The following DUSP22 variants were observed in gnomAD, a reference collection of about 807,000 sequenced individuals.
The protein encoded by DUSP22 is dual specificity protein phosphatase 22.
In DUSP22, 24 loss-of-function variants were observed where a neutral mutation model predicts 24.5. The ratio of observed to expected loss-of-function variants is 0.98; its 90% CI spans 0.71 to 1.38. The LOEUF is 1.38. Among genes scored for constraint, DUSP22 ranks in the 40% most tolerant of loss-of-function variants. DUSP22 has a pLI of 0.00. For missense variants in DUSP22, 330 were observed against 269.2 expected, an observed-to-expected ratio of 1.23 and a Z score of -1.58; for synonymous variants, 160 against 106.4, an observed-to-expected ratio of 1.50 and a Z score of -3.10.
At chr6:343,854 G>A (rs1759732327) in intron 4 of DUSP22, among the ~76,000 whole-genome samples, 1 of 152,310 alleles carries the variant, frequency 6.6e-6, no homozygotes, top group South Asian at 2.1e-4. Context: ...TTACATTCAT[G>A]TGCCCTGGCA....
At chr6:300,185 T>A (rs1040456859) in intron 1 of DUSP22, among the ~76,000 whole-genome samples, 21 of 152,286 alleles carry the variant, frequency 1.4e-4, no homozygotes, top group Non-Finnish European at 2.4e-4. Flanking sequence ...TAAAACAGCC[T>A]GGAATTTGGG....
intron 3 of DUSP22, 62 bp downstream of exon 3, chr6:312,024 G>C (rs1236974521): frequency 6.5e-7 from 1 of 1,544,286 alleles, no homozygotes; most frequent in Admixed American, 1.9e-5. Flanking sequence ...GAGTACCTAC[G>C]ACGTTAATGA....
chr6:299,536 A>G (rs1757488175), intron 1 of DUSP22, among the ~76,000 whole-genome samples: 1 of 152,304 alleles, frequency 6.6e-6, no homozygotes, highest in South Asian at 2.1e-4. Flanking sequence ...TATGGAAGAG[A>G]ATCATACTGT....
At chr6:344,375 T>G (rs1162502407) in intron 4 of DUSP22, among the ~76,000 whole-genome samples, 2 of 152,300 alleles carry the variant, frequency 1.3e-5, no homozygotes, top group African/African-American at 4.8e-5. Context: ...AGCCTTAACC[T>G]CCTGGGCTCA....
chr6:312,199 C>T (rs1401918336), intron 3 of DUSP22, among the ~76,000 whole-genome samples: 1 of 152,312 alleles, frequency 6.6e-6, no homozygotes, highest in Admixed American at 6.5e-5. Flanking sequence ...GCTTTCGTGG[C>T]TAAATGCCTA....
intron 2 of DUSP22, among the ~76,000 whole-genome samples, chr6:306,422 A>C (rs1446592847): frequency 1.3e-5 from 2 of 152,304 alleles, no homozygotes; most frequent in African/African-American, 4.8e-5. Context: ...CTGTTTTCTA[A>C]ATATTCAATA....
At chr6:344,366 G>A (rs375248210) in intron 4 of DUSP22, among the ~76,000 whole-genome samples, 155 of 152,336 alleles carry the variant, frequency 1.0e-3, no homozygotes, top group African/African-American at 3.5e-3. Flanking sequence ...GCTCACTGCA[G>A]CCTTAACCTC....
intron 4 of DUSP22, among the ~76,000 whole-genome samples, chr6:339,494 A>T (rs1759503982): frequency 6.6e-6 from 1 of 152,308 alleles, no homozygotes; most frequent in Admixed American, 6.5e-5. Context: ...TTGCTTTAAT[A>T]TATATTACAT....
At position 348,877 on chromosome 6, in the gene DUSP22, C is replaced by T. The variant is rs1194398045; in HGVS notation, c.544C>T (p.Pro182Ser). The change falls in exon 7 of 7, where the codon CCC becomes TCC. Residue 182 changes from proline (P) to serine (S), a missense_variant. Coordinates refer to ENST00000419235, the MANE Select transcript of DUSP22 (RefSeq NM_001286555.3). ...YKEQGRTEPQPGARRWSSFPA... is the reference protein window; with the variant it reads ...YKEQGRTEPQSGARRWSSFPA... Reference sequence around the variant, plus strand: ...GGAGCAAGGGCGCACAGAGCCCCAGCCCGGCGCCAGGCGGTGGAGCAGTTT... The same window carrying T: ...GGAGCAAGGGCGCACAGAGCCCCAGTCCGGCGCCAGGCGGTGGAGCAGTTT... 2 of 1,614,254 alleles carry T rather than the reference C, an allele frequency of 1.2e-6. No homozygotes were observed. The highest frequency in any genetic ancestry group is 1.3e-5 in the African/African-American group (1 of 75,090).
intron 2 of DUSP22, among the ~76,000 whole-genome samples, chr6:307,329 C>T (rs1178290487): frequency 6.6e-6 from 1 of 152,286 alleles, no homozygotes; most frequent in Non-Finnish European, 1.5e-5. Flanking sequence ...CACTTCTCTC[C>T]CTCCCTCCCT....
intron 3 of DUSP22, among the ~76,000 whole-genome samples, chr6:316,530 C>T (rs1285128999): frequency 6.6e-6 from 1 of 152,304 alleles, no homozygotes. Context: ...GGTTTGAGGG[C>T]TGGTGAAAAC....
intron 3 of DUSP22, chr6:320,300 A>C (rs538914761): frequency 1.3e-5 from 2 of 152,988 alleles, no homozygotes; most frequent in Admixed American, 1.3e-4. Flanking sequence ...TGTTGCCTTC[A>C]TGTTGAGTCC....
At chr6:300,464 G>A (rs2127390465) in intron 1 of DUSP22, among the ~76,000 whole-genome samples, 1 of 152,426 alleles carries the variant, frequency 6.6e-6, no homozygotes, top group South Asian at 2.1e-4. Flanking sequence ...CAGTCTGGAG[G>A]TAGGGAGCTC....
At chr6:348,411 G>C in intron 6 of DUSP22, 137 bp downstream of exon 6, 2 of 1,389,838 alleles carry the variant, frequency 1.4e-6, no homozygotes, top group Non-Finnish European at 2.0e-6. Flanking sequence ...AGGGCGCCCA[G>C]CTGCACCCCT....
intron 5 of DUSP22, among the ~76,000 whole-genome samples, chr6:346,583 T>C (rs932638026): frequency 5.9e-5 from 9 of 152,302 alleles, no homozygotes; most frequent in Admixed American, 1.3e-4. Flanking sequence ...CCACTCGTAA[T>C]CATGCTAATA....
intron 5 of DUSP22, among the ~76,000 whole-genome samples, chr6:346,912 C>T (rs974248082): frequency 2.0e-5 from 3 of 152,292 alleles, no homozygotes; most frequent in Admixed American, 6.5e-5. Flanking sequence ...TTCTGAGGGC[C>T]GATAGGGACG....
chr6:312,567 A>G (rs1367444334), intron 3 of DUSP22, among the ~76,000 whole-genome samples: 3 of 152,286 alleles, frequency 2.0e-5, no homozygotes, highest in South Asian at 2.1e-4. Context: ...GGTAAAATCT[A>G]TTTATGTTTA....
chr6:350,644 A>G lies in DUSP22; in HGVS notation c.*1693A>G, dbSNP rs907797027. On this transcript the variant is annotated 3_prime_UTR_variant, in exon 7 of 7. Transcript: ENST00000419235. ...CATCCATCCGTCTACAGCTAAAACA[A>G]TTTGCCAATAAAGTACATGTTTTTC... 20 of 1,489,180 alleles carry G rather than the reference A, an allele frequency of 1.3e-5. No homozygotes were observed. The highest frequency in any genetic ancestry group is 8.4e-5 in the African/African-American group (6 of 71,306). 92.2% of individuals were successfully genotyped at this position (1,489,180 alleles called of 1,614,324 possible).
At chr6:315,277 G>A (rs553111219) in intron 3 of DUSP22, among the ~76,000 whole-genome samples, 502 of 152,234 alleles carry the variant, frequency 3.3e-3, no homozygotes, top group Non-Finnish European at 4.8e-3. Context: ...GCTCTGACCC[G>A]TTTCTATGCC....
Sources: allele counts gnomAD v4.1 joint callset (sites outside exome capture counted in the v4.1 genomes callset), GRCh38; gene constraint gnomAD v4.1.1; transcripts MANE v1.5; gene names NCBI Gene and HGNC (gene_info 2026-07-23, HGNC 2026-07-21).